FGF14: variants seen among roughly 807,000 people sequenced by gnomAD.
The protein encoded by FGF14 is fibroblast growth factor homologous factor 4.
FGF14 carries 5 observed loss-of-function variants against 25.5 expected under a neutral mutation model. The ratio of observed to expected loss-of-function variants is 0.20; its 90% CI spans 0.10 to 0.41. The LOEUF (loss-of-function observed/expected upper bound fraction) is 0.41, where lower values mean the gene tolerates loss of function less well. Ranked by LOEUF, FGF14 falls within the 10% of genes least tolerant of loss-of-function variation. FGF14 has a pLI of 1.00. For synonymous variants in FGF14, 138 were observed against 118.3 expected (o/e 1.17, Z -1.08); for missense variants, 222 against 320.1 (o/e 0.69, Z 2.34).
intron 1 of FGF14, among the ~76,000 whole-genome samples, chr13:102,055,180 A>G (rs1256548655): frequency 6.6e-6 from 1 of 152,246 alleles, no homozygotes; most frequent in African/African-American, 2.4e-5. Flanking sequence ...TTCCTGCCAC[A>G]TGCCTCATGC....
chr13:101,961,157 GT>G (rs763844403), intron 1 of FGF14, among the ~76,000 whole-genome samples: 1 of 152,132 alleles, frequency 6.6e-6, no homozygotes, highest in Non-Finnish European at 1.5e-5. Context: ...TCTGATGACA[GT>G]TTCTTTCACT....
intron 1 of FGF14, among the ~76,000 whole-genome samples, chr13:101,933,925 C>CAT (rs1000035351): frequency 1.8e-4 from 27 of 151,946 alleles, no homozygotes; most frequent in East Asian, 1.2e-3. Flanking sequence ...TGTATACACA[C>CAT]ATATATATAT....
intron 1 of FGF14, among the ~76,000 whole-genome samples, chr13:102,121,597 G>A (rs1369703795): frequency 6.6e-6 from 1 of 152,092 alleles, no homozygotes; most frequent in Non-Finnish European, 1.5e-5. Flanking sequence ...ATGTGTTATA[G>A]ACTTGATCCA....
At chr13:101,949,078 C>T (rs1165064460) in intron 1 of FGF14, among the ~76,000 whole-genome samples, 1 of 152,036 alleles carries the variant, frequency 6.6e-6, no homozygotes, top group African/African-American at 2.4e-5. Flanking sequence ...GGGTGATGAA[C>T]TACAAGATAA....
upstream of FGF14, among the ~76,000 whole-genome samples, chr13:101,920,444 A>T (rs1248613231): frequency 1.3e-5 from 2 of 152,112 alleles, no homozygotes; most frequent in African/African-American, 4.8e-5. Flanking sequence ...CAATTTCTTC[A>T]TCTCTCAAAT....
intron 1 of FGF14, among the ~76,000 whole-genome samples, chr13:102,382,477 G>C (rs1480473209): frequency 6.6e-6 from 1 of 152,034 alleles, no homozygotes; most frequent in Non-Finnish European, 1.5e-5. Flanking sequence ...ATCATAACAA[G>C]TGTTGACAAA....
chr13:102,004,494 C>T (rs962762149), intron 1 of FGF14, among the ~76,000 whole-genome samples: 1 of 152,174 alleles, frequency 6.6e-6, no homozygotes, highest in Non-Finnish European at 1.5e-5. Flanking sequence ...CTGATCTTTA[C>T]TGGAATGTGT....
intron 1 of FGF14, among the ~76,000 whole-genome samples, chr13:102,080,928 A>T (rs541968175): frequency 6.6e-4 from 100 of 152,392 alleles, no homozygotes; most frequent in African/African-American, 2.3e-3. Flanking sequence ...GCCACTAGGC[A>T]ACCAAGACCA....
At chr13:101,992,838 A>C (rs2038978564) in intron 1 of FGF14, among the ~76,000 whole-genome samples, 1 of 152,056 alleles carries the variant, frequency 6.6e-6, no homozygotes, top group Non-Finnish European at 1.5e-5. Flanking sequence ...ATTGGGGAAT[A>C]ATTAAAAAGG....
intron 1 of FGF14, among the ~76,000 whole-genome samples, chr13:102,310,685 C>CTCTCTCTG (rs369697906): frequency 3.1e-3 from 21 of 6,850 alleles, no homozygotes; most frequent in South Asian, 7.6e-3. Context: ...CTCTCTCTCT[C>CTCTCTCTG]TGTGTGTGTG....
intron 1 of FGF14, among the ~76,000 whole-genome samples, chr13:101,909,032 A>T (rs2139054607): frequency 6.6e-6 from 1 of 152,346 alleles, no homozygotes; most frequent in South Asian, 2.1e-4. Context: ...AAAACTGGCT[A>T]GCCATAAGTA....
chr13:101,765,718 T>TA (rs1555377153), intron 3 of FGF14, among the ~76,000 whole-genome samples: 158 of 143,386 alleles, frequency 1.1e-3, no homozygotes, highest in African/African-American at 3.8e-3. Context: ...ATTATTATTA[T>TA]TTTATTTATT....
rs2034672038 is a variant in FGF14 at position 101,715,404 on chromosome 13, C to A, written c.*7427G>T. The A allele has an allele frequency of 7.9e-6, 5 of 632,418 alleles. No homozygotes were observed. The Admixed American group carries it at 1.1e-4, about 13-fold the overall frequency. The allele number at this position is 632,418 out of a possible 1,614,324, so 39.2% of individuals were successfully genotyped here. ...GTTTGAAAGATTAGATGTCTCGCAG[C>A]TGCTTAATAAGATGTAATAATAACA... On this transcript the variant is annotated 3_prime_UTR_variant, in exon 5 of 5. Coordinates refer to ENST00000376143, the MANE Select transcript of FGF14 (RefSeq NM_004115.4).
At chr13:102,048,553 GA>G (rs1707136649) in intron 1 of FGF14, among the ~76,000 whole-genome samples, 2 of 152,134 alleles carry the variant, frequency 1.3e-5, no homozygotes, top group Admixed American at 1.3e-4. Flanking sequence ...TGACAGATCT[GA>G]AAGTCTTCCA....
intron 1 of FGF14, among the ~76,000 whole-genome samples, chr13:102,161,590 AAGAAGAAGAAGAAGAAGAAGAAGAAGAAG>A (rs1566764062): frequency 1.1e-3 from 6 of 5,488 alleles, no homozygotes; most frequent in Non-Finnish European, 1.5e-3. Flanking sequence ...GAAGAAGAAG[AAGAAGAAGAAGAAGAAGAAGAAGAAGAAG>A]AAGAAGAAGA....
At chr13:102,169,149 G>A (rs746969495) in intron 1 of FGF14, among the ~76,000 whole-genome samples, 1 of 150,670 alleles carries the variant, frequency 6.6e-6, no homozygotes, top group Non-Finnish European at 1.5e-5. Context: ...TACACTAAAG[G>A]GCCTACACTT....
intron 3 of FGF14, among the ~76,000 whole-genome samples, chr13:101,775,292 T>A (rs1449120241): frequency 6.6e-6 from 1 of 152,194 alleles, no homozygotes; most frequent in East Asian, 1.9e-4. Context: ...GGTTGTCAAA[T>A]GCATTAACCC....
intron 1 of FGF14, among the ~76,000 whole-genome samples, chr13:102,095,470 A>G (rs2044351841): frequency 6.6e-6 from 1 of 152,240 alleles, no homozygotes; most frequent in African/African-American, 2.4e-5. Context: ...ATTGGTACTT[A>G]CAGAAACATT....
intron 1 of FGF14, among the ~76,000 whole-genome samples, chr13:102,162,473 AAGAT>A (rs1228131977): frequency 6.6e-6 from 1 of 152,218 alleles, no homozygotes; most frequent in Non-Finnish European, 1.5e-5. Flanking sequence ...GAGATGCAAA[AAGAT>A]AGAGACTAAT....
Sources: gnomAD v4.1 joint callset for allele counts (sites outside exome capture counted in the v4.1 genomes callset) on GRCh38, gnomAD v4.1.1 for gene constraint, MANE v1.5 for transcripts, NCBI Gene and HGNC (gene_info 2026-07-23, HGNC 2026-07-21) for gene names.